OSBPL10: variants seen among roughly 807,000 people sequenced by gnomAD.
The protein encoded by OSBPL10 is oxysterol-binding protein-related protein 10.
OSBPL10 carries 49 observed loss-of-function variants against 81.7 expected under a neutral mutation model. That is an observed-to-expected ratio of 0.60 (90% CI 0.48 to 0.76). OSBPL10 has a LOEUF of 0.76. Ranked by LOEUF, OSBPL10 falls within the 30% of genes least tolerant of loss-of-function variation. The pLI is 0.00. For missense variants in OSBPL10, 923 were observed against 987.8 expected, an observed-to-expected ratio of 0.93 and a Z score of 0.88; for synonymous variants, 419 against 383.6, an observed-to-expected ratio of 1.09 and a Z score of -1.08.
intron 1 of OSBPL10, among the ~76,000 whole-genome samples, chr3:31,883,623 C>T (rs1441018048): frequency 4.6e-5 from 7 of 151,344 alleles, no homozygotes; most frequent in African/African-American, 7.3e-5. Flanking sequence ...CCTCCACCTC[C>T]CGGGTTCAAG....
intron 1 of OSBPL10, among the ~76,000 whole-genome samples, chr3:31,895,337 C>A (rs1415449643): frequency 6.6e-6 from 1 of 151,426 alleles, no homozygotes; most frequent in African/African-American, 2.4e-5. Flanking sequence ...GGGGGTTTCA[C>A]CATGTTAGCC....
chr3:31,944,215 T>C (rs1229310103), intron 1 of OSBPL10, among the ~76,000 whole-genome samples: 1 of 152,084 alleles, frequency 6.6e-6, no homozygotes, highest in Non-Finnish European at 1.5e-5. Context: ...AATATAACCA[T>C]TGCTAAGGCT....
Position 31,930,009 on chromosome 3 carries a change from A to AAAAAC in OSBPL10, c.282-50180_282-50179insGTTTT, listed in dbSNP as rs1697195931. Among the ~76,000 whole-genome samples, 2 of 149,482 alleles carry AAAAAC rather than the reference A, an allele frequency of 1.3e-5. 1 individual carries two copies. Among genetic ancestry groups the AAAAAC allele is most frequent in the South Asian group, 4.2e-4 (2 of 4,724 alleles). ...GTGAGACCCTGTCACCAACCAAAAA[A>AAAAAC]AAAAAAAAAAAAAAAAACAGGTGTG... is the stretch of plus-strand genomic sequence containing the variant. On this transcript the variant is annotated intron_variant, in intron 1 of 11. Transcript: ENST00000396556.
chr3:31,910,953 T>C (rs1316276537), intron 1 of OSBPL10, among the ~76,000 whole-genome samples: 2 of 152,196 alleles, frequency 1.3e-5, no homozygotes, highest in Non-Finnish European at 2.9e-5. Context: ...TGGTCCAGAA[T>C]AAAAGAACAT....
intron 7 of OSBPL10, among the ~76,000 whole-genome samples, chr3:31,692,682 T>C (rs886317263): frequency 6.6e-6 from 1 of 152,240 alleles, no homozygotes; most frequent in Non-Finnish European, 1.5e-5. Flanking sequence ...GCACAGTGCT[T>C]GGGTTTCACA....
chr3:31,939,839 G>T (rs191246560), intron 1 of OSBPL10, among the ~76,000 whole-genome samples: 8 of 152,130 alleles, frequency 5.3e-5, no homozygotes, highest in Admixed American at 3.9e-4. Flanking sequence ...GGGCTTAAGC[G>T]ATCCTCCTGC....
At chr3:31,776,959 C>T (rs1460109724) in intron 4 of OSBPL10, among the ~76,000 whole-genome samples, 1 of 151,936 alleles carries the variant, frequency 6.6e-6, no homozygotes, top group African/African-American at 2.4e-5. Context: ...CTCAATAAAA[C>T]AATTTTTAAA....
chr3:31,806,791 G>T (rs1325929301), intron 4 of OSBPL10, among the ~76,000 whole-genome samples: 1 of 152,010 alleles, frequency 6.6e-6, no homozygotes, highest in Non-Finnish European at 1.5e-5. Context: ...GAGGAAGTTG[G>T]GGGGTGGGGG....
intron 4 of OSBPL10, among the ~76,000 whole-genome samples, chr3:31,788,476 G>A (rs921394229): frequency 6.6e-6 from 1 of 152,114 alleles, no homozygotes; most frequent in Non-Finnish European, 1.5e-5. Flanking sequence ...CAAATTTGGT[G>A]GTGGGTGGGA....
chr3:31,802,227 T>C (rs575603533), intron 4 of OSBPL10, among the ~76,000 whole-genome samples: 1 of 151,648 alleles, frequency 6.6e-6, no homozygotes, highest in South Asian at 2.1e-4. Context: ...GGGGCAGGGT[T>C]GAAGGTATGG....
At chr3:31,720,592 G>A (rs558428033) in intron 6 of OSBPL10, among the ~76,000 whole-genome samples, 8 of 152,212 alleles carry the variant, frequency 5.3e-5, no homozygotes, top group African/African-American at 1.2e-4. Context: ...CCCTGCTGCT[G>A]TAGGTGGGAA....
chr3:31,963,254 C>CT (rs1249644612), intron 1 of OSBPL10, among the ~76,000 whole-genome samples: 1 of 152,002 alleles, frequency 6.6e-6, no homozygotes, highest in Non-Finnish European at 1.5e-5. Context: ...ATCCATCTCC[C>CT]TCCCTTTCCC....
intron 8 of OSBPL10, among the ~76,000 whole-genome samples, chr3:31,681,450 T>TA (rs1451326901): frequency 9.9e-5 from 15 of 152,186 alleles, no homozygotes; most frequent in Non-Finnish European, 1.9e-4. Context: ...TTACAGTCCC[T>TA]AATTCCTCTC....
intron 1 of OSBPL10, among the ~76,000 whole-genome samples, chr3:31,938,623 C>T (rs1303282838): frequency 2.0e-5 from 3 of 152,136 alleles, no homozygotes; most frequent in Non-Finnish European, 2.9e-5. Flanking sequence ...ATCCTCCCAC[C>T]TCAGCCTACC....
At chr3:31,968,652 A>C (rs1349176788) in intron 1 of OSBPL10, among the ~76,000 whole-genome samples, 1 of 152,240 alleles carries the variant, frequency 6.6e-6, no homozygotes, top group South Asian at 2.1e-4. Context: ...ATTAATCAAC[A>C]TGAGAAAGAA....
At chr3:31,969,825 A>T (rs1211625445) in intron 1 of OSBPL10, among the ~76,000 whole-genome samples, 1 of 151,898 alleles carries the variant, frequency 6.6e-6, no homozygotes, top group Admixed American at 6.6e-5. Flanking sequence ...ACTGCACTCC[A>T]GCCTGGGCGA....
At chr3:31,852,344 T>G (rs1007553222) in intron 3 of OSBPL10, among the ~76,000 whole-genome samples, 4 of 151,592 alleles carry the variant, frequency 2.6e-5, no homozygotes, top group African/African-American at 4.9e-5. Flanking sequence ...AGGTAAAGAG[T>G]ACAGGGATGT....
chr3:31,869,617 G>A (rs892506718), intron 3 of OSBPL10, among the ~76,000 whole-genome samples: 10 of 152,158 alleles, frequency 6.6e-5, no homozygotes, highest in Admixed American at 6.5e-4. Flanking sequence ...GGCTCAAGGG[G>A]ATGGGGGTGA....
chr3:31,822,231 GGA>G (rs1442706566), intron 4 of OSBPL10: 1 of 152,194 alleles, frequency 6.6e-6, no homozygotes, highest in African/African-American at 2.4e-5. Flanking sequence ...TCCTCTGTCA[GGA>G]GAGTGTGTAC....
Sources: gnomAD v4.1 joint callset for allele counts (sites outside exome capture counted in the v4.1 genomes callset) on GRCh38, gnomAD v4.1.1 for gene constraint, MANE v1.5 for transcripts, NCBI Gene and HGNC (gene_info 2026-07-23, HGNC 2026-07-21) for gene names.